MALRD1: variants seen among roughly 807,000 people sequenced by gnomAD.
The protein encoded by MALRD1 is MAM and LDL receptor class A domain containing 1.
MALRD1 carries 247 observed loss-of-function variants against 242.1 expected under a neutral mutation model. The ratio of observed to expected loss-of-function variants is 1.02; its 90% CI spans 0.92 to 1.13. MALRD1 has a LOEUF of 1.13. Among genes scored for constraint, MALRD1 ranks in the 50% most tolerant of loss-of-function variants. The pLI is 0.00. For synonymous variants in MALRD1, 995 were observed against 866.6 expected, an observed-to-expected ratio of 1.15 and a Z score of -2.60; for missense variants, 2,989 against 2,533.1, an observed-to-expected ratio of 1.18 and a Z score of -3.86.
rs181158545 is a variant in MALRD1, at chr10:19,083,095, A to G, written c.341-4745A>G. 3.3e-5 allele frequency among the ~76,000 whole-genome samples: 5 copies of G among 152,052 alleles called. No homozygotes were observed. In the East Asian group the frequency reaches 5.8e-4, roughly 18 times the overall value. On this transcript the variant is annotated intron_variant, in intron 2 of 39. Transcript: ENST00000454679. ...CATGAGGACTCTACCTTCAGAGTCT[A>G]CTCACCTCCCAAAAGTCTCATCTTC...
intron 26 of MALRD1, among the ~76,000 whole-genome samples, chr10:19,378,187 A>G (rs73593894): frequency 0.049 from 7,486 of 152,218 alleles, 356 homozygotes; most frequent in African/African-American, 0.12. Flanking sequence ...TTGAACTAGA[A>G]CCATACCAAA....
chr10:19,543,433 C>CTTTTTTTTTTTTTTTTTTT (rs71388849), intron 32 of MALRD1, among the ~76,000 whole-genome samples: 16 of 106,424 alleles, frequency 1.5e-4, no homozygotes, highest in East Asian at 2.9e-4. Context: ...CAGCTGATTT[C>CTTTTTTTTTTTTTTTTTTT]TTTTTTTTTT....
intron 19 of MALRD1, among the ~76,000 whole-genome samples, chr10:19,258,876 T>C (rs1232573299): frequency 6.6e-6 from 1 of 152,174 alleles, no homozygotes; most frequent in Non-Finnish European, 1.5e-5. Flanking sequence ...CACTCCTGTA[T>C]ACCTCCCTAT....
chr10:19,352,300 A>T lies in MALRD1; in HGVS notation c.4441+3A>T. 6.9e-7 allele frequency: 1 copy of T among 1,446,858 alleles called. No individual in the cohort carries two copies. 89.6% of individuals were successfully genotyped at this position (1,446,858 alleles called of 1,614,324 possible). A position where few individuals can be genotyped will look rare whatever the true frequency, so the allele number is the denominator to read the frequency against. On this transcript the variant is annotated splice_donor_region_variant and intron_variant, in intron 26 of 39. Transcript: ENST00000454679. The stretch of plus-strand genomic sequence containing the variant: ...ACTGGCAGTGCCTCTTCCAACAGGT[A>T]CATTCTAATCTGTGTGTGTGTGTGG...
intron 22 of MALRD1, among the ~76,000 whole-genome samples, chr10:19,326,616 T>C (rs1003253005): frequency 1.1e-4 from 16 of 152,084 alleles, no homozygotes; most frequent in East Asian, 3.9e-4. Context: ...CCAAATTAAT[T>C]TGAATTTTAT....
chr10:19,589,453 A>G (rs1837642624), intron 33 of MALRD1, among the ~76,000 whole-genome samples: 2 of 152,186 alleles, frequency 1.3e-5, no homozygotes, highest in African/African-American at 2.4e-5. Context: ...AAACAATGGC[A>G]TGAGATACGC....
chr10:19,539,852 T>TTTTGTGTGTGTGTGTG lies in MALRD1; in HGVS notation c.5478+8502_5478+8503insTTGTGTGTGTGTGTGT, dbSNP rs1554795755. ...CCAGCATGCGCCACCACACCCAGCTTTGTGCGTGTGTGTGTGTGTGTGTGT... is the reference window on the plus strand; with the variant it reads ...CCAGCATGCGCCACCACACCCAGCTTTTTGTGTGTGTGTGTGTGTGCGTGTGTGTGTGTGTGTGTGT... On this transcript the variant is annotated intron_variant, in intron 32 of 39. Coordinates refer to ENST00000454679, the MANE Select transcript of MALRD1 (RefSeq NM_001142308.3). 9.5e-4 allele frequency among the ~76,000 whole-genome samples: 61 copies of TTTTGTGTGTGTGTGTG among 64,334 alleles called. 2 individuals are homozygous for TTTTGTGTGTGTGTGTG. Among genetic ancestry groups the TTTTGTGTGTGTGTGTG allele is most frequent in the African/African-American group, 1.7e-3 (33 of 19,768 alleles). The allele number at this position is 64,334 out of a possible 152,430, so 42.2% of individuals were successfully genotyped here. A position where few individuals can be genotyped will look rare whatever the true frequency, so the allele number is the denominator to read the frequency against.
intron 14 of MALRD1, among the ~76,000 whole-genome samples, chr10:19,182,802 C>T (rs1026821570): frequency 2.0e-5 from 3 of 152,146 alleles, no homozygotes; most frequent in East Asian, 1.9e-4. Context: ...AGAAACGATG[C>T]CCTTAGTCTC....
chr10:19,195,033 T>C (rs1424330006), intron 14 of MALRD1, among the ~76,000 whole-genome samples: 1 of 151,076 alleles, frequency 6.6e-6, no homozygotes, highest in African/African-American at 2.4e-5. Context: ...GCTGTCCTTA[T>C]CTGTCCTGCC....
chr10:19,685,218 T>C (rs1842532757), intron 36 of MALRD1, among the ~76,000 whole-genome samples: 1 of 152,224 alleles, frequency 6.6e-6, no homozygotes, highest in Non-Finnish European at 1.5e-5. Flanking sequence ...ATGCTCTCTT[T>C]AAGAACTTTT....
chr10:19,221,466 C>G (rs1467670852), intron 18 of MALRD1, among the ~76,000 whole-genome samples: 1 of 152,162 alleles, frequency 6.6e-6, no homozygotes, highest in African/African-American at 2.4e-5. Context: ...CATGCTAAAT[C>G]TCACTTCACA....
At chr10:19,507,264 A>G (rs1166930134) in intron 31 of MALRD1, among the ~76,000 whole-genome samples, 2 of 152,100 alleles carry the variant, frequency 1.3e-5, no homozygotes, top group Non-Finnish European at 2.9e-5. Context: ...TCCAAACTAT[A>G]TCACCATGGG....
At chr10:19,168,369 G>A (rs562417860) in intron 13 of MALRD1, among the ~76,000 whole-genome samples, 1 of 152,200 alleles carries the variant, frequency 6.6e-6, no homozygotes, top group South Asian at 2.1e-4. Flanking sequence ...GTTTTCATTC[G>A]GTTTGCTTTT....
chr10:19,318,893 A>G (rs1199234352), intron 21 of MALRD1, among the ~76,000 whole-genome samples: 1 of 152,016 alleles, frequency 6.6e-6, no homozygotes, highest in Non-Finnish European at 1.5e-5. Context: ...AAATATATCA[A>G]CATTTTGGGA....
intron 22 of MALRD1, 139 bp downstream of exon 22, chr10:19,324,244 G>T: frequency 1.2e-6 from 1 of 819,946 alleles, no homozygotes. Context: ...AGTGGTATAT[G>T]GAGTAAAAGC....
intron 10 of MALRD1, among the ~76,000 whole-genome samples, chr10:19,137,599 C>T (rs1833391236): frequency 7.7e-6 from 1 of 130,352 alleles, no homozygotes; most frequent in Admixed American, 9.1e-5. Context: ...CAGCGTGAGA[C>T]TCCGTCTGAA....
intron 35 of MALRD1, among the ~76,000 whole-genome samples, chr10:19,611,930 A>G (rs916665219): frequency 3.3e-5 from 5 of 152,042 alleles, no homozygotes; most frequent in Non-Finnish European, 5.9e-5. Context: ...GTGCTCCACT[A>G]TAGAGCATAA....
At chr10:19,351,965 A>G (rs1297395952) in intron 25 of MALRD1, 41 bp from the exon 26 acceptor site, 2 of 1,424,804 alleles carry the variant, frequency 1.4e-6, no homozygotes, top group Non-Finnish European at 1.9e-6. Context: ...TATTAATTAT[A>G]CTAATCATAT....
chr10:19,098,072 A>G (rs1213570128), intron 4 of MALRD1, among the ~76,000 whole-genome samples: 1 of 152,140 alleles, frequency 6.6e-6, no homozygotes, highest in Admixed American at 6.5e-5. Flanking sequence ...TTTCTTGCAC[A>G]AGATCCAAGA....
Sources: gnomAD v4.1 joint callset for allele counts (sites outside exome capture counted in the v4.1 genomes callset) on GRCh38, gnomAD v4.1.1 for gene constraint, MANE v1.5 for transcripts, NCBI Gene and HGNC (gene_info 2026-07-23, HGNC 2026-07-21) for gene names.